GRPR: variants seen among roughly 807,000 people sequenced by gnomAD.
GRPR encodes gastrin-releasing peptide receptor.
GRPR carries 4 observed loss-of-function variants against 15.6 expected under a neutral mutation model. That is an observed-to-expected ratio of 0.26 (90% CI 0.13 to 0.59). GRPR has a LOEUF of 0.59. Ranked by LOEUF, GRPR falls within the 20% of genes least tolerant of loss-of-function variation. The probability of loss-of-function intolerance (pLI) is 0.90; values close to 1 mark genes in which losing one functional copy is unlikely to be tolerated. For synonymous variants in GRPR, 128 were observed against 126.8 expected (o/e 1.01, Z -0.06); for missense variants, 270 against 304.1 (o/e 0.89, Z 0.83).
chrX:16,132,966 G>A (rs898614145), intron 1 of GRPR, among the ~76,000 whole-genome samples: 1 of 111,399 alleles, frequency 9.0e-6, no homozygotes, highest in East Asian at 2.8e-4. Context: ...AAATATATTC[G>A]CTATTTGTAA....
intron 1 of GRPR, among the ~76,000 whole-genome samples, chrX:16,127,341 G>A (rs777255435): frequency 8.9e-6 from 1 of 111,784 alleles, no homozygotes; most frequent in East Asian, 2.8e-4. Flanking sequence ...GCATCACCGG[G>A]TAAAAGGGAG....
chrX:16,149,713 G>A (rs998132755), intron 1 of GRPR, among the ~76,000 whole-genome samples: 1 of 104,531 alleles, frequency 9.6e-6, no homozygotes, highest in Non-Finnish European at 1.9e-5. Flanking sequence ...AACATGCCTT[G>A]TTATTAATTT....
chrX:16,123,695 TG>T lies in GRPR; in HGVS notation c.-257del. The T allele has an allele frequency of 2.7e-6, 1 of 372,320 alleles. No homozygotes were observed. Among genetic ancestry groups the T allele is most frequent in the Non-Finnish European group, 4.7e-6 (1 of 213,885 alleles). The allele number at this position is 372,320 out of a possible 1,213,427, so 30.7% of individuals were successfully genotyped here. Reference sequence around the variant, plus strand: ...GTGGGTTTAATTCTAAGCCTTTTTGTGGCTAAGTTTTGTTGTTGTTAACTTA... The same window carrying T: ...GTGGGTTTAATTCTAAGCCTTTTTGTGCTAAGTTTTGTTGTTGTTAACTTA... On this transcript the variant is annotated 5_prime_UTR_variant, in exon 1 of 3. It removes the in-frame stop codon of an upstream open reading frame in the 5' UTR. Coordinates refer to ENST00000380289, the MANE Select transcript of GRPR (RefSeq NM_005314.3).
Position 16,152,614 on chromosome X carries a change from A to G in GRPR, c.1124A>G (p.Asn375Ser). ...TCCGTGGCCACCTTTAGCCTCATCA[A>G]TGGAAACATCTGTCACGAGCGGTAT... ...NPSVATFSLI[N>S]GNICHERYV Residue 375 changes from asparagine (N) to serine (S), a missense_variant, in exon 3 of 3, where the codon AAT (asparagine) becomes AGT (serine). By Grantham distance (46) the Asn-to-Ser change is conservative (BLOSUM62 1). Around this residue, in one of 3 missense-constraint regions of GRPR, gnomAD observed 133 missense variants for 123.4 expected, o/e 1.08. Coordinates refer to ENST00000380289, the MANE Select transcript of GRPR (RefSeq NM_005314.3). 1 of 1,210,301 alleles carries G rather than the reference A, an allele frequency of 8.3e-7. No individual in the cohort carries two copies. The highest frequency in any genetic ancestry group is 1.1e-6 in the Non-Finnish European group (1 of 894,428).
intron 1 of GRPR, among the ~76,000 whole-genome samples, chrX:16,131,065 A>G (rs750983585): frequency 8.9e-6 from 1 of 112,483 alleles, no homozygotes; most frequent in Non-Finnish European, 1.9e-5. Flanking sequence ...CTAATTAAGT[A>G]TCATTTCTGG....
At chrX:16,132,102 AT>A (rs1233288415) in intron 1 of GRPR, among the ~76,000 whole-genome samples, 2 of 112,476 alleles carry the variant, frequency 1.8e-5, no homozygotes, top group Admixed American at 1.9e-4. Flanking sequence ...CATTTGTTGA[AT>A]TGATGAATGG....
chrX:16,152,561 C>T lies in GRPR; in HGVS notation c.1071C>T (p.Cys357=), dbSNP rs1225940630. Residue 357 remains cysteine (C), a synonymous_variant, in exon 3 of 3, where the codon TGC becomes TGT. Transcript: ENST00000380289. ...ACAGCACTGGAAGGAGTACAACCTG[C>T]ATGACCTCCCTCAAGAGTACCAACC... The part of the protein sequence containing the change: ...RSHSTGRSTT[C]MTSLKSTNPS... 8.3e-7 allele frequency: 1 copy of T among 1,202,949 alleles called. No homozygotes were observed. The highest frequency in any genetic ancestry group is 3.0e-5 in the East Asian group (1 of 33,768).
chrX:16,146,327 T>G (rs1252116789), intron 1 of GRPR, among the ~76,000 whole-genome samples: 1 of 111,753 alleles, frequency 8.9e-6, no homozygotes, highest in Non-Finnish European at 1.9e-5. Flanking sequence ...GGACATCTCT[T>G]GTACATTCAA....
intron 1 of GRPR, among the ~76,000 whole-genome samples, chrX:16,127,973 TTGTC>T (rs1016340808): frequency 1.8e-5 from 2 of 111,904 alleles, no homozygotes; most frequent in Non-Finnish European, 3.8e-5. Flanking sequence ...AGTGTTTTGT[TTGTC>T]TGTTTATTTT....
chrX:16,125,302 A>C (rs1922272931), intron 1 of GRPR, among the ~76,000 whole-genome samples: 1 of 112,763 alleles, frequency 8.9e-6, no homozygotes, highest in Non-Finnish European at 1.9e-5. Flanking sequence ...AACATACTTT[A>C]TGTACTTCTG....
At chrX:16,144,799 T>C (rs183273787) in intron 1 of GRPR, among the ~76,000 whole-genome samples, 8 of 112,306 alleles carry the variant, frequency 7.1e-5, no homozygotes, top group Admixed American at 3.8e-4. Context: ...TGATTTTTAC[T>C]GACTTAATGT....
intron 1 of GRPR, among the ~76,000 whole-genome samples, chrX:16,129,279 G>A (rs1425393655): frequency 1.8e-5 from 2 of 112,380 alleles, no homozygotes; most frequent in Admixed American, 9.4e-5. Context: ...TAGCTTTCCC[G>A]ACATCTAGAG....
chrX:16,142,548 A>C (rs1922544560), intron 1 of GRPR, among the ~76,000 whole-genome samples: 2 of 112,208 alleles, frequency 1.8e-5, no homozygotes, highest in African/African-American at 6.5e-5. Context: ...TGCCACCATC[A>C]CATTGAATGA....
At chrX:16,127,362 A>C (rs2147029895) in intron 1 of GRPR, among the ~76,000 whole-genome samples, 1 of 111,950 alleles carries the variant, frequency 8.9e-6, no homozygotes, top group South Asian at 3.8e-4. Context: ...ACTTCAAGGC[A>C]GTCCCAGAAA....
chrX:16,144,286 G>A (rs1469594153), intron 1 of GRPR, among the ~76,000 whole-genome samples: 1 of 111,771 alleles, frequency 8.9e-6, no homozygotes, highest in Non-Finnish European at 1.9e-5. Context: ...CTATTCTCAG[G>A]AGAAAATAAA....
chrX:16,125,728 G>A (rs978075857), intron 1 of GRPR, among the ~76,000 whole-genome samples: 3 of 112,013 alleles, frequency 2.7e-5, no homozygotes, highest in African/African-American at 9.7e-5. Context: ...ACAGAAGTAA[G>A]GTTTGCACAT....
At chrX:16,125,592 C>G (rs1005251179) in intron 1 of GRPR, among the ~76,000 whole-genome samples, 1 of 112,329 alleles carries the variant, frequency 8.9e-6, no homozygotes, top group Non-Finnish European at 1.9e-5. Context: ...CTCAGGTGAT[C>G]TGGCTTTGTT....
intron 1 of GRPR, among the ~76,000 whole-genome samples, chrX:16,134,405 G>A (rs1230648534): frequency 8.9e-6 from 1 of 112,030 alleles, no homozygotes; most frequent in Non-Finnish European, 1.9e-5. Context: ...CTAATATGTA[G>A]AACCTCTATA....
At chrX:16,124,486 C>T (rs1040305576) in intron 1 of GRPR, 120 bp downstream of exon 1, 21 of 658,596 alleles carry the variant, frequency 3.2e-5, no homozygotes, top group East Asian at 1.3e-4. Flanking sequence ...CACGGATTCC[C>T]TTCCAGGCAG....
Sources: allele counts gnomAD v4.1 joint callset (sites outside exome capture counted in the v4.1 genomes callset), GRCh38; gene constraint gnomAD v4.1.1; regional missense constraint gnomAD v4.1.1; transcripts MANE v1.5; gene names NCBI Gene and HGNC (gene_info 2026-07-23, HGNC 2026-07-21).